EML1: variants seen among roughly 807,000 people sequenced by gnomAD.
The protein encoded by EML1 is EMAP like 1, also known as echinoderm microtubule-associated protein-like 1.
EML1 carries 27 observed loss-of-function variants against 110.4 expected under a neutral mutation model. That is an observed-to-expected ratio of 0.24 (90% CI 0.18 to 0.34). EML1 has a LOEUF of 0.34. Ranked by LOEUF, EML1 falls within the 10% of genes least tolerant of loss-of-function variation. The pLI is 1.00. For synonymous variants in EML1, 344 were observed against 385.8 expected, an observed-to-expected ratio of 0.89 and a Z score of 1.27; for missense variants, 741 against 1,030.9, an observed-to-expected ratio of 0.72 and a Z score of 3.85.
At chr14:99,824,257 G>C (rs2058314094) in intron 1 of EML1, among the ~76,000 whole-genome samples, 1 of 152,172 alleles carries the variant, frequency 6.6e-6, no homozygotes, top group South Asian at 2.1e-4. Flanking sequence ...ACCACGCCCG[G>C]CTCCATGCAT....
upstream of EML1, among the ~76,000 whole-genome samples, chr14:99,770,283 C>A (rs1488380734): frequency 6.6e-6 from 1 of 152,144 alleles, no homozygotes; most frequent in African/African-American, 2.4e-5. Context: ...GGCTGTCTTC[C>A]TGGTTCACAG....
At chr14:99,886,346 G>A (rs1258147949) in intron 4 of EML1, among the ~76,000 whole-genome samples, 1 of 152,156 alleles carries the variant, frequency 6.6e-6, no homozygotes, top group African/African-American at 2.4e-5. Context: ...GCCGAGTTTG[G>A]TGGCATATGC....
At chr14:99,897,046 A>G (rs1595449589) in intron 6 of EML1, 99 bp from the exon 7 acceptor site, 2 of 1,085,610 alleles carry the variant, frequency 1.8e-6, no homozygotes, top group East Asian at 5.6e-5. Context: ...TGCTGATGGT[A>G]ATAGTTATAT....
At position 99,940,133 on chromosome 14, in the gene EML1, G is replaced by A. The variant is rs761531004; in HGVS notation, c.*21G>A. The stretch of plus-strand genomic sequence containing the variant: ...TTTAGTACCCACCGAGAGCTGTGGG[G>A]AGCAGCATGGGCAAGGAAGACACAG... On this transcript the variant is annotated 3_prime_UTR_variant, in exon 22 of 22. Transcript: ENST00000262233. 1 of 1,519,874 alleles carries A rather than the reference G, an allele frequency of 6.6e-7. No individual in the cohort carries two copies. Among genetic ancestry groups the A allele is most frequent in the East Asian group, 2.5e-5 (1 of 39,944 alleles). 94.1% of individuals were successfully genotyped at this position (1,519,874 alleles called of 1,614,324 possible). A position where few individuals can be genotyped will look rare whatever the true frequency, so the allele number is the denominator to read the frequency against.
intron 17 of EML1, among the ~76,000 whole-genome samples, chr14:99,934,091 G>A (rs554678235): frequency 7.9e-5 from 12 of 152,012 alleles, no homozygotes; most frequent in East Asian, 5.8e-4. Context: ...GTGAAACTCC[G>A]TCTCAAAAAA....
intron 9 of EML1, among the ~76,000 whole-genome samples, chr14:99,904,030 G>A (rs987334306): frequency 2.0e-5 from 3 of 152,100 alleles, no homozygotes; most frequent in South Asian, 2.1e-4. Context: ...TGATCCACCC[G>A]CCTCGGCCTC....
chr14:99,871,234 G>T lies in EML1; in HGVS notation c.383+5588G>T, dbSNP rs377197859. Among the ~76,000 whole-genome samples the T allele has an allele frequency of 3.3e-5, 5 of 152,278 alleles. No homozygotes were observed. In the East Asian group the frequency reaches 9.7e-4, roughly 29 times the overall value. On this transcript the variant is annotated intron_variant, in intron 3 of 21. Transcript: ENST00000262233. ...GGCCTCTCAAAGTGCTGGGATTACA[G>T]GCGTGAGCCACCGCACCTGGCAAGG...
chr14:99,837,117 A>G (rs968901535), intron 1 of EML1, among the ~76,000 whole-genome samples: 1 of 151,458 alleles, frequency 6.6e-6, no homozygotes, highest in Non-Finnish European at 1.5e-5. Context: ...CAGATCTCTG[A>G]AGTTTTTTCT....
intron 3 of EML1, 82 bp from the exon 4 acceptor site, chr14:99,878,403 T>G: frequency 6.6e-7 from 1 of 1,510,426 alleles, no homozygotes; most frequent in South Asian, 1.4e-5. Context: ...AGTATGACGT[T>G]CTATGTATAT....
intron 4 of EML1, among the ~76,000 whole-genome samples, chr14:99,882,318 T>C (rs1438203932): frequency 6.6e-6 from 1 of 152,218 alleles, no homozygotes; most frequent in African/African-American, 2.4e-5. Context: ...AATTGGCTGC[T>C]TATTTAGAAG....
chr14:99,816,138 C>T (rs945536931), intron 1 of EML1, among the ~76,000 whole-genome samples: 1 of 152,132 alleles, frequency 6.6e-6, no homozygotes, highest in Admixed American at 6.5e-5. Context: ...CAGAGAGATC[C>T]GACTAGACGT....
chr14:99,746,699 C>G (rs1372804402), intron 1 of EML1, among the ~76,000 whole-genome samples: 1 of 152,098 alleles, frequency 6.6e-6, no homozygotes, highest in Non-Finnish European at 1.5e-5. Context: ...ACGCCCTGGG[C>G]CCCCTCCACG....
At chr14:99,845,777 G>A (rs1024901889) in intron 1 of EML1, among the ~76,000 whole-genome samples, 5 of 152,186 alleles carry the variant, frequency 3.3e-5, no homozygotes, top group African/African-American at 1.2e-4. Flanking sequence ...CTGGCTGGGC[G>A]CTGAGGCTCA....
Position 99,784,622 on chromosome 14 carries a change from G to C in EML1, c.-27+10609G>C, listed in dbSNP as rs1402483253. 6.6e-6 allele frequency among the ~76,000 whole-genome samples: 1 copy of C among 152,234 alleles called. No individual in the cohort carries two copies. Among genetic ancestry groups the C allele is most frequent in the Admixed American group, 6.5e-5 (1 of 15,290 alleles). On this transcript the variant is annotated intron_variant, in intron 1 of 22. Coordinates refer to the EML1 transcript ENST00000327921. This position sits in a 1 kb window ranked among gnomAD's most constrained non-coding sequence, Gnocchi z 4.5. ...CATGATTCTGCAGTGTTGACATTGT[G>C]TAATAGGATAATGAAGCTGGAGAGG...
rs757300540 is a variant in EML1 at position 99,898,281 on chromosome 14, G to A, written c.876G>A (p.Ala292=). ...DRITIATGQV[A]GTSKDGKQLP... Reference sequence around the variant, plus strand: ...TCACGATAGCAACAGGACAAGTTGCGGGCACATCGAAGGATGGAAAAGTGA... The same window carrying A: ...TCACGATAGCAACAGGACAAGTTGCAGGCACATCGAAGGATGGAAAAGTGA... Residue 292 remains alanine (A), a synonymous_variant, in exon 8 of 22, where the codon GCG becomes GCA. Coordinates refer to ENST00000262233, the MANE Select transcript of EML1 (RefSeq NM_004434.3). The A allele has an allele frequency of 8.1e-6, 13 of 1,610,976 alleles. No individual in the cohort carries two copies. Among genetic ancestry groups the A allele is most frequent in the South Asian group, 3.3e-5 (3 of 90,596 alleles).
intron 1 of EML1, chr14:99,737,868 G>A: frequency 7.8e-7 from 1 of 1,289,198 alleles, no homozygotes; most frequent in Non-Finnish European, 1.0e-6. Flanking sequence ...CCGGTGAGTG[G>A]CAGCGCTATA....
chr14:99,877,351 A>G (rs990957437), intron 3 of EML1, among the ~76,000 whole-genome samples: 3 of 152,064 alleles, frequency 2.0e-5, no homozygotes, highest in Non-Finnish European at 2.9e-5. Context: ...GGGGAATACA[A>G]ACAGTCCATA....
chr14:99,880,420 C>G (rs1047018506), intron 4 of EML1, among the ~76,000 whole-genome samples: 10 of 152,116 alleles, frequency 6.6e-5, no homozygotes, highest in African/African-American at 2.4e-4. Context: ...TTCCCACGTG[C>G]GCAGCCCCAT....
chr14:99,914,371 A>T lies in EML1; in HGVS notation c.1620+67A>T, dbSNP rs555976792. 8.3e-6 allele frequency: 13 copies of T among 1,574,894 alleles called. No homozygotes were observed. In the East Asian group the frequency reaches 2.5e-4, roughly 30 times the overall value. ...GCATTATATCAGACCCTAATCAAGC[A>T]TTACAATCAGGTGCTTTATACTACG... On this transcript the variant is annotated intron_variant, in intron 14 of 21. Coordinates refer to ENST00000262233, the MANE Select transcript of EML1 (RefSeq NM_004434.3).
Sources: gnomAD v4.1 joint callset for allele counts (sites outside exome capture counted in the v4.1 genomes callset) on GRCh38, gnomAD v4.1.1 for gene constraint, Gnocchi (gnomAD v3.1) non-coding constraint, MANE v1.5 for transcripts, NCBI Gene and HGNC (gene_info 2026-07-23, HGNC 2026-07-21) for gene names.